KIAA1549L: variants seen among roughly 807,000 people sequenced by gnomAD.
The protein encoded by KIAA1549L is KIAA1549 like.
KIAA1549L carries 88 observed loss-of-function variants against 160.7 expected under a neutral mutation model. That is an observed-to-expected ratio of 0.55 (90% CI 0.46 to 0.65). The LOEUF is 0.65. Ranked by LOEUF, KIAA1549L falls within the 30% of genes least tolerant of loss-of-function variation. KIAA1549L has a pLI of 0.00. For synonymous variants in KIAA1549L, 950 were observed against 976.7 expected (o/e 0.97, Z 0.51); for missense variants, 2,258 against 2,437.5 (o/e 0.93, Z 1.55).
intron 1 of KIAA1549L, among the ~76,000 whole-genome samples, chr11:33,498,075 G>A (rs1465553748): frequency 1.3e-5 from 2 of 152,128 alleles, no homozygotes. Flanking sequence ...GATTGCTTGA[G>A]GCTAAGAGTT....
At chr11:33,625,983 G>A (rs1015854671) in intron 16 of KIAA1549L, among the ~76,000 whole-genome samples, 10 of 149,802 alleles carry the variant, frequency 6.7e-5, no homozygotes, top group African/African-American at 2.0e-4. Context: ...CATATGGCTA[G>A]CCAGTTTTCC....
chr11:33,629,427 A>C (rs1171130413), intron 16 of KIAA1549L, among the ~76,000 whole-genome samples: 4 of 152,184 alleles, frequency 2.6e-5, no homozygotes, highest in Non-Finnish European at 5.9e-5. Flanking sequence ...AGGTACACCA[A>C]TCAGACGTAC....
chr11:33,433,787 A>G (rs1451663033), intron 1 of KIAA1549L, among the ~76,000 whole-genome samples: 1 of 152,220 alleles, frequency 6.6e-6, no homozygotes, highest in East Asian at 1.9e-4. Context: ...TGTTCTTTGC[A>G]GAGACTTAGA....
At chr11:33,530,341 G>A (rs1407163470) in intron 1 of KIAA1549L, among the ~76,000 whole-genome samples, 1 of 148,844 alleles carries the variant, frequency 6.7e-6, no homozygotes, top group East Asian at 2.0e-4. Context: ...GGTGGAGCTT[G>A]CAGTGAACCG....
At chr11:33,520,889 G>T (rs903053097) in intron 1 of KIAA1549L, among the ~76,000 whole-genome samples, 1 of 152,136 alleles carries the variant, frequency 6.6e-6, no homozygotes, top group Non-Finnish European at 1.5e-5. Context: ...TCAGCCTGGT[G>T]CAGTGGCTCA....
chr11:33,528,778 G>A (rs745552447), intron 1 of KIAA1549L, among the ~76,000 whole-genome samples: 4 of 152,202 alleles, frequency 2.6e-5, no homozygotes, highest in Non-Finnish European at 5.9e-5. Context: ...TAAGCTATGA[G>A]AATGCAAAGG....
At chr11:33,580,328 C>T (rs923151866) in intron 10 of KIAA1549L, among the ~76,000 whole-genome samples, 10 of 152,090 alleles carry the variant, frequency 6.6e-5, no homozygotes, top group Non-Finnish European at 1.5e-4. Flanking sequence ...AATCCCAGCA[C>T]TTTGGGAGGC....
At chr11:33,412,149 G>A (rs572635467) in intron 1 of KIAA1549L, among the ~76,000 whole-genome samples, 14 of 152,300 alleles carry the variant, frequency 9.2e-5, no homozygotes, top group Non-Finnish European at 1.3e-4. Context: ...ATTTCCATTA[G>A]AGTTAAAGGA....
In KIAA1549L at chr11:33,568,226, A is replaced by G; in HGVS notation, c.4229A>G (p.Gln1410Arg). The G allele has an allele frequency of 1.2e-6, 2 of 1,611,998 alleles. No individual in the cohort carries two copies. The highest frequency in any genetic ancestry group is 1.1e-5 in the South Asian group (1 of 90,828). Residue 1410 changes from glutamine to arginine, a missense_variant and splice_region_variant, in exon 9 of 21, where the codon CAG (glutamine) becomes CGG (arginine). Physicochemically the swap from Gln to Arg is conservative, Grantham distance 43. Around this residue, in one of 6 missense-constraint regions of KIAA1549L, gnomAD observed 1,359 missense variants for 1,546.6 expected, o/e 0.88. Transcript: ENST00000658780. ...RATTLGSYTV[Q>R]MVKMQRVPGP... is the part of the protein sequence containing the mutation. ...ACCACCCTGGGAAGCTACACTGTGC[A>G]GGTAGGTGTATACAGAGCCACTGGG...
rs535946056 is a variant in KIAA1549L, at chr11:33,608,947, C to T, written c.5062-802C>T. ...ATACGTTTTTCTTTTGTAAATTACA[C>T]GACATTCTTTTAAAGATTATTTTTA... On this transcript the variant is annotated intron_variant, in intron 14 of 20. Transcript: ENST00000658780. Among the ~76,000 whole-genome samples, 11 of 152,272 alleles carry T rather than the reference C, an allele frequency of 7.2e-5. No individual in the cohort carries two copies. The South Asian group carries it at 1.2e-3, about 17-fold the overall frequency.
intron 1 of KIAA1549L, among the ~76,000 whole-genome samples, chr11:33,402,267 C>T (rs756344657): frequency 2.6e-5 from 4 of 152,176 alleles, no homozygotes; most frequent in Non-Finnish European, 1.5e-5. Flanking sequence ...CCGCTTAAGC[C>T]AGAAACCACA....
intron 16 of KIAA1549L, among the ~76,000 whole-genome samples, chr11:33,637,552 C>T (rs1022135032): frequency 6.6e-6 from 1 of 152,208 alleles, no homozygotes; most frequent in Non-Finnish European, 1.5e-5. Flanking sequence ...AGGGCACAGA[C>T]TGGGTGGTAT....
Position 33,543,954 on chromosome 11 carries a change from C to T in KIAA1549L, c.2391C>T (p.Ser797=). 1 of 1,613,956 alleles carries T rather than the reference C, an allele frequency of 6.2e-7. No individual in the cohort carries two copies. Among genetic ancestry groups the T allele is most frequent in the Non-Finnish European group, 8.5e-7 (1 of 1,179,890 alleles). The change falls in exon 2 of 21, where the codon AGC becomes AGT. Residue 797 remains serine, a synonymous_variant. Coordinates refer to ENST00000658780, the MANE Select transcript of KIAA1549L (RefSeq NM_012194.3). ...VQQSDMTMVG[S]HIDLWPTSNN... is the part of the protein sequence containing the mutation. ...AGTCAGACATGACCATGGTTGGAAG[C>T]CATATAGACCTCTGGCCCACAAGCA...
rs187015391 is a variant in KIAA1549L at position 33,426,425 on chromosome 11, G to C, written c.238+49536G>C. Among the ~76,000 whole-genome samples, 486 of 152,290 alleles carry C rather than the reference G, an allele frequency of 3.2e-3. 4 individuals carry two copies. The highest frequency in any genetic ancestry group is 0.011 in the African/African-American group (471 of 41,566). On this transcript the variant is annotated intron_variant, in intron 1 of 20. Transcript: ENST00000658780. ...TTTCTGAAGCTAAAGGAGTCAAACTGTATCTTGACTGATGGAGTTCCTGAC... is the reference window on the plus strand; with the variant it reads ...TTTCTGAAGCTAAAGGAGTCAAACTCTATCTTGACTGATGGAGTTCCTGAC...
At chr11:33,571,662 T>C (rs760117750) in intron 9 of KIAA1549L, among the ~76,000 whole-genome samples, 33 of 151,970 alleles carry the variant, frequency 2.2e-4, no homozygotes, top group African/African-American at 7.0e-4. Context: ...AAGAACTCAT[T>C]CACTACTGCG....
chr11:33,524,607 G>C (rs1853572016), intron 1 of KIAA1549L, among the ~76,000 whole-genome samples: 1 of 152,176 alleles, frequency 6.6e-6, no homozygotes, highest in Non-Finnish European at 1.5e-5. Flanking sequence ...TTTTCCTCTA[G>C]GTATAGCTTT....
chr11:33,569,873 CTG>C (rs1414290441), intron 9 of KIAA1549L, among the ~76,000 whole-genome samples: 1 of 152,190 alleles, frequency 6.6e-6, no homozygotes, highest in Non-Finnish European at 1.5e-5. Context: ...GATAATGGAA[CTG>C]GGATTTGCAT....
At chr11:33,646,453 C>T (rs1241817540) in intron 17 of KIAA1549L, among the ~76,000 whole-genome samples, 2 of 152,160 alleles carry the variant, frequency 1.3e-5, no homozygotes, top group Non-Finnish European at 2.9e-5. Context: ...CCAGATGGCT[C>T]GAATTTAAAT....
chr11:33,621,596 A>G (rs1367199167), intron 16 of KIAA1549L, among the ~76,000 whole-genome samples: 1 of 152,256 alleles, frequency 6.6e-6, no homozygotes, highest in African/African-American at 2.4e-5. Context: ...TCTCTATTTC[A>G]AAGTATTTTT....
Sources: allele counts gnomAD v4.1 joint callset (sites outside exome capture counted in the v4.1 genomes callset), GRCh38; gene constraint gnomAD v4.1.1; regional missense constraint gnomAD v4.1.1; transcripts MANE v1.5; gene names NCBI Gene and HGNC (gene_info 2026-07-23, HGNC 2026-07-21).